Variants in BRCA2 observed in about 807,000 individuals in gnomAD.
BRCA2 encodes breast cancer type 2 susceptibility protein.
Under a neutral mutation model 276.7 loss-of-function variants are expected in BRCA2, and 203 were observed. That is an observed-to-expected ratio of 0.73 (90% CI 0.65 to 0.82). The LOEUF (loss-of-function observed/expected upper bound fraction) is 0.82. Ranked by LOEUF, BRCA2 falls within the 40% of genes least tolerant of loss-of-function variation. BRCA2 has a pLI of 0.00. For missense variants in BRCA2, 3,920 were observed against 3,915.0 expected (o/e 1.00, Z -0.03); for synonymous variants, 1,289 against 1,338.4 (o/e 0.96, Z 0.81).
At position 32,386,134 on chromosome 13, in the gene BRCA2, A is replaced by G. The variant is rs540445068; in HGVS notation, c.9256+5989A>G. The G allele has an allele frequency of 4.0e-4, 64 of 158,902 alleles. No individual in the cohort carries two copies. Among genetic ancestry groups the G allele is most frequent in the Non-Finnish European group, 8.2e-4 (58 of 70,488 alleles). 9.8% of individuals were successfully genotyped at this position (158,902 alleles called of 1,614,324 possible). A position where few individuals can be genotyped will look rare whatever the true frequency, so the allele number is the denominator to read the frequency against. ...AGGCACTCAAATATTGACCACTTTC[A>G]TATTTCATTTGATTTTCTGTTAACG... is the stretch of plus-strand genomic sequence containing the variant. On this transcript the variant is annotated intron_variant, in intron 24 of 26. Coordinates refer to ENST00000380152, the MANE Select transcript of BRCA2 (RefSeq NM_000059.4).
rs866071378 is a variant in BRCA2, at chr13:32,319,157, T to A, written c.148T>A (p.Ser50Thr). 1 of 1,614,026 alleles carries A rather than the reference T, an allele frequency of 6.2e-7. No homozygotes were observed. The highest frequency in any genetic ancestry group is 1.3e-5 in the African/African-American group (1 of 75,018). Residue 50 changes from serine (S) to threonine (T), a missense_variant, in exon 3 of 27, where the codon TCT becomes ACT. Physicochemically the swap from Ser to Thr is moderately conservative, Grantham distance 58. Transcript: ENST00000380152. Reference protein sequence around the residue: ...PPYNSEPAEESEHKNNNYEPN... With the variant: ...PPYNSEPAEETEHKNNNYEPN... ...CTATAATTCTGAACCTGCAGAAGAATCTGAACATAAAAACAACAATTACGA... is the reference window on the plus strand; with the variant it reads ...CTATAATTCTGAACCTGCAGAAGAAACTGAACATAAAAACAACAATTACGA...
In BRCA2 at chr13:32,336,936, C is replaced by G. The variant is rs773356478; in HGVS notation, c.2581C>G (p.Gln861Glu). The G allele has an allele frequency of 1.3e-6, 2 of 1,590,860 alleles. No individual in the cohort carries two copies. The highest frequency in any genetic ancestry group is 1.7e-6 in the Non-Finnish European group (2 of 1,174,182). ...CCAAAACACAAATCTAAGAGTAATC[C>G]AAAAAAATCAAGAAGAAACTACTTC... Reference protein sequence around the residue: ...FNQNTNLRVIQKNQEETTSIS... With the variant: ...FNQNTNLRVIEKNQEETTSIS... The change falls in exon 11 of 27, where the codon CAA becomes GAA. Residue 861 changes from glutamine (Q) to glutamate (E), a missense_variant. By Grantham distance (29) the Gln-to-Glu change is conservative. This residue lies in a region of BRCA2 where 3,263 missense variants were observed against 3,156.9 expected (regional missense o/e 1.03). Coordinates refer to ENST00000380152, the MANE Select transcript of BRCA2 (RefSeq NM_000059.4).
At position 32,333,148 on chromosome 13, in the gene BRCA2, TA is replaced by T. The variant is rs397507601; in HGVS notation, c.1672del (p.Ile558LeufsTer15). ...SQKEDSLCPN[L>X]IDNGSWPATT... ...AAGGAGGACTCCTTATGTCCAAATT[TA>T]ATTGATAATGGAAGCTGGCCAGCCA... On this transcript the variant is annotated frameshift_variant, in exon 10 of 27. Transcript: ENST00000380152. LOFTEE classifies it high-confidence loss of function. 6.2e-7 allele frequency: 1 copy of T among 1,614,140 alleles called. No individual in the cohort carries two copies. Among genetic ancestry groups the T allele is most frequent in the Non-Finnish European group, 8.5e-7 (1 of 1,180,010 alleles).
Position 32,363,517 on chromosome 13 carries a change from A to C in BRCA2, c.8315A>C (p.Glu2772Ala). 6.2e-7 allele frequency: 1 copy of C among 1,613,506 alleles called. No individual in the cohort carries two copies. Reference sequence around the variant, plus strand: ...GCCTGTACACCTCTTGAAGCCCCAGAATCTCTTATGTTAAAGGTAAATTAA... The same window carrying C: ...GCCTGTACACCTCTTGAAGCCCCAGCATCTCTTATGTTAAAGGTAAATTAA... The part of the protein sequence containing the change: ...PDACTPLEAP[E>A]SLMLKISANS... The change falls in exon 18 of 27, where the codon GAA (glutamate) becomes GCA (alanine). Residue 2772 changes from glutamate to alanine, a missense_variant. Transcript: ENST00000380152.
At chr13:32,370,246 G>GT (rs1566248535) in intron 18 of BRCA2, among the ~76,000 whole-genome samples, 156 bp from the exon 19 acceptor site, 1 of 152,134 alleles carries the variant, frequency 6.6e-6, no homozygotes, top group Non-Finnish European at 1.5e-5. Context: ...CTTTTATACA[G>GT]TTTTTTACTT....
chr13:32,344,970 T>C (rs2072601573), intron 12 of BRCA2, among the ~76,000 whole-genome samples: 1 of 152,126 alleles, frequency 6.6e-6, no homozygotes. Flanking sequence ...GTTGACAGTT[T>C]TATTATGCAG....
intron 20 of BRCA2, among the ~76,000 whole-genome samples, chr13:32,373,521 A>T (rs557213711): frequency 2.0e-4 from 30 of 152,154 alleles, no homozygotes; most frequent in African/African-American, 5.1e-4. Context: ...AATAAATAAA[A>T]AAAAATAATA....
intron 21 of BRCA2, 88 bp from the exon 22 acceptor site, chr13:32,379,229 A>T: frequency 7.9e-7 from 1 of 1,273,274 alleles, no homozygotes; most frequent in Non-Finnish European, 1.1e-6. Context: ...ATTTTGTTGT[A>T]TTTGTCCTGT....
intron 18 of BRCA2, among the ~76,000 whole-genome samples, chr13:32,369,276 G>T (rs1444857732): frequency 6.6e-6 from 1 of 151,860 alleles, no homozygotes; most frequent in African/African-American, 2.4e-5. Context: ...TAGTATGAGG[G>T]AGAGACAGCC....
chr13:32,343,569 A>G (rs11571670), intron 11 of BRCA2, among the ~76,000 whole-genome samples: 36 of 152,258 alleles, frequency 2.4e-4, no homozygotes, highest in African/African-American at 8.4e-4. Context: ...TACTTAAACT[A>G]TTTGCTGTCC....
rs1285547765 is a variant in BRCA2, at chr13:32,340,381, A to C, written c.6026A>C (p.Gln2009Pro). 6.2e-7 allele frequency: 1 copy of C among 1,613,956 alleles called. No individual in the cohort carries two copies. ...VFSEIEDSTKQVFSKVLFKSN... is the reference protein window; with the variant it reads ...VFSEIEDSTKPVFSKVLFKSN... ...TCTGAAATAGAAGATAGTACCAAGC[A>C]AGTCTTTTCCAAAGTATTGTTTAAA... is the stretch of plus-strand genomic sequence containing the variant. Residue 2009 changes from glutamine to proline, a missense_variant, in exon 11 of 27, where the codon CAA becomes CCA. Transcript: ENST00000380152.
intron 14 of BRCA2, among the ~76,000 whole-genome samples, chr13:32,355,555 T>A (rs2072687223): frequency 6.6e-6 from 1 of 152,142 alleles, no homozygotes; most frequent in Non-Finnish European, 1.5e-5. Context: ...CTACTAATTT[T>A]CTTTTTAAAA....
Position 32,338,749 on chromosome 13 carries a change from AATTAC to A in BRCA2, c.4398_4402del (p.Leu1466PhefsTer2), listed in dbSNP as rs80359444. ...TTGCATAACTTTTCCTTAAATTCTG[AATTAC>A]ATTCTGACATAAGAAAGAACAAAAT... On this transcript the variant is annotated frameshift_variant, in exon 11 of 27. Transcript: ENST00000380152. LOFTEE classifies it high-confidence loss of function. 7.5e-6 allele frequency: 12 copies of A among 1,604,428 alleles called. No homozygotes were observed. The highest frequency in any genetic ancestry group is 9.4e-6 in the Non-Finnish European group (11 of 1,174,036).
rs1475702169 is a variant in BRCA2 at position 32,398,567 on chromosome 13, C to G, written c.10054C>G (p.Leu3352Val). ...EELALINTQA[L>V]LSGSTGEKQF... is the part of the protein sequence containing the mutation. ...ACTTGCATTGATAAATACCCAAGCT[C>G]TTTTGTCTGGTTCAACAGGAGAAAA... is the stretch of plus-strand genomic sequence containing the variant. The change falls in exon 27 of 27, where the codon CTT becomes GTT. Residue 3352 changes from leucine (L) to valine (V), a missense_variant. By Grantham distance (32) the Leu-to-Val change is conservative. Transcript: ENST00000380152. 3 of 1,614,044 alleles carry G rather than the reference C, an allele frequency of 1.9e-6. No individual in the cohort carries two copies. The highest frequency in any genetic ancestry group is 1.3e-5 in the African/African-American group (1 of 74,932).
rs41293485 is a variant in BRCA2, at chr13:32,338,224, G to A, written c.3869G>A (p.Cys1290Tyr). 898 of 1,538,812 alleles carry A rather than the reference G, an allele frequency of 5.8e-4. 3 individuals carry two copies. In the African/African-American group the frequency reaches 0.01, roughly 18 times the overall value. Residue 1290 changes from cysteine to tyrosine, a missense_variant, in exon 11 of 27, where the codon TGC (cysteine) becomes TAC (tyrosine). Cys to Tyr is a radical substitution (Grantham distance 194, BLOSUM62 -2). Around this residue, in one of 2 missense-constraint regions of BRCA2, gnomAD observed 3,263 missense variants for 3,156.9 expected, o/e 1.03. Transcript: ENST00000380152. Reference sequence around the variant, plus strand: ...ACTGTAAGTGAAAAAAATAATAAATGCCAACTGATATTACAAAATAATATT... The same window carrying A: ...ACTGTAAGTGAAAAAAATAATAAATACCAACTGATATTACAAAATAATATT... ...DKTVSEKNNK[C>Y]QLILQNNIEM...
chr13:32,335,207 T>G (rs899049005), intron 10 of BRCA2, among the ~76,000 whole-genome samples: 1 of 151,984 alleles, frequency 6.6e-6, no homozygotes, highest in Non-Finnish European at 1.5e-5. Context: ...TATCCAGATG[T>G]GGTGGCATGT....
intron 24 of BRCA2, among the ~76,000 whole-genome samples, chr13:32,387,528 C>T (rs1320740819): frequency 1.3e-5 from 2 of 152,134 alleles, no homozygotes; most frequent in Non-Finnish European, 2.9e-5. Context: ...AAGGGAGTCT[C>T]ATTTCCTTGG....
Position 32,346,875 on chromosome 13 carries a change from C to T in BRCA2, c.6986C>T (p.Pro2329Leu), listed in dbSNP as rs80358925. 8.1e-6 allele frequency: 13 copies of T among 1,609,490 alleles called. No homozygotes were observed. Among genetic ancestry groups the T allele is most frequent in the East Asian group, 2.2e-5 (1 of 44,678 alleles). Residue 2329 changes from proline (P) to leucine (L), a missense_variant, in exon 13 of 27, where the codon CCG becomes CTG. Physicochemically the swap from Pro to Leu is moderately conservative, Grantham distance 98 (BLOSUM62 -3). Around this residue, in one of 2 missense-constraint regions of BRCA2, gnomAD observed 3,263 missense variants for 3,156.9 expected, o/e 1.03. Transcript: ENST00000380152. ...TTTATGCATCATGTTTCTTTAGAGC[C>T]GATTACCTGTGTACCCTTTCGGTAA... ...RLFMHHVSLE[P>L]ITCVPFRTTK... is the part of the protein sequence containing the mutation.
chr13:32,364,299 A>G (rs2072766545), intron 18 of BRCA2, among the ~76,000 whole-genome samples: 1 of 152,188 alleles, frequency 6.6e-6, no homozygotes, highest in African/African-American at 2.4e-5. Flanking sequence ...TATAAGACAT[A>G]TAACCAAAAA....
Sources: allele counts gnomAD v4.1 joint callset (sites outside exome capture counted in the v4.1 genomes callset), GRCh38; gene constraint gnomAD v4.1.1; regional missense constraint gnomAD v4.1.1; transcripts MANE v1.5; gene names NCBI Gene and HGNC (gene_info 2026-07-23, HGNC 2026-07-21).